Variants in CDKN2B-AS1 observed in about 807,000 individuals in gnomAD.
CDKN2B-AS1 encodes the protein CDKN2B antisense RNA 1 (non-protein coding).
intron 4 of CDKN2B-AS1, among the ~76,000 whole-genome samples, chr9:22,062,553 C>T (rs1823865386): frequency 6.6e-6 from 1 of 152,142 alleles, no homozygotes; most frequent in Middle Eastern, 3.2e-3. Context: ...AATGGGGCTA[C>T]ATGAGGAAGA....
intron 4 of CDKN2B-AS1, among the ~76,000 whole-genome samples, chr9:22,063,008 G>T (rs191148638): frequency 0.12 from 13,576 of 110,674 alleles, 720 homozygotes; most frequent in East Asian, 0.28. Context: ...TAGAGAGAGA[G>T]AGAGAGAGAG....
rs3217985 is a variant in CDKN2B-AS1 at position 22,005,454 on chromosome 9, A to G, written n.29+10293A>G. ...TAAAGCGCCGCCGGGGACTTACTGA[A>G]GCCCACCTCGGCCCTCCTCCACTTT... On this transcript the variant is annotated intron_variant and non_coding_transcript_variant, in intron 1 of 4. Coordinates refer to ENST00000650946, the Ensembl canonical transcript of CDKN2B-AS1. This position sits in a 1 kb window ranked among gnomAD's most constrained non-coding sequence, Gnocchi z 4.9. 3 of 250,612 alleles carry G rather than the reference A, an allele frequency of 1.2e-5. No homozygotes were observed. Among genetic ancestry groups the G allele is most frequent in the Non-Finnish European group, 1.6e-5 (2 of 128,516 alleles). The allele number at this position is 250,612 out of a possible 1,614,324, so 15.5% of individuals were successfully genotyped here.
intron 4 of CDKN2B-AS1, among the ~76,000 whole-genome samples, chr9:22,088,262 G>A (rs1003279497): frequency 6.6e-6 from 1 of 152,136 alleles, no homozygotes; most frequent in Non-Finnish European, 1.5e-5. Flanking sequence ...CGTAAGAAGC[G>A]AATGTTGCAA....
At position 22,006,322 on chromosome 9, in the gene CDKN2B-AS1, G is replaced by T; in HGVS notation, n.29+11161G>T. On this transcript the variant is annotated intron_variant and non_coding_transcript_variant, in intron 1 of 4. Coordinates refer to ENST00000650946, the Ensembl canonical transcript of CDKN2B-AS1. The surrounding 1 kb of genome is among the most constrained non-coding windows in gnomAD (Gnocchi z 6.4). ...AGATGCCGGCCGGGGCAAGGCAGGTGGAGCCATTTAAAGAAACACCTAATT... is the reference window on the plus strand; with the variant it reads ...AGATGCCGGCCGGGGCAAGGCAGGTTGAGCCATTTAAAGAAACACCTAATT... 3 of 1,584,760 alleles carry T rather than the reference G, an allele frequency of 1.9e-6. No individual in the cohort carries two copies. Among genetic ancestry groups the T allele is most frequent in the Non-Finnish European group, 2.6e-6 (3 of 1,171,386 alleles).
chr9:22,093,854 G>A (rs555223178), intron 4 of CDKN2B-AS1, among the ~76,000 whole-genome samples: 3 of 144,430 alleles, frequency 2.1e-5, no homozygotes, highest in African/African-American at 8.7e-5. Context: ...ATTTGATCCT[G>A]TCATTATGAT....
At chr9:22,009,467 C>T in intron 1 of CDKN2B-AS1, 1 of 265,886 alleles carries the variant, frequency 3.8e-6, no homozygotes, top group Non-Finnish European at 7.3e-6. Flanking sequence ...TGCTAGGACG[C>T]ATGCGCCAGA....
intron 1 of CDKN2B-AS1, among the ~76,000 whole-genome samples, chr9:22,015,099 A>G (rs558353157): frequency 7.2e-5 from 11 of 152,054 alleles, no homozygotes; most frequent in African/African-American, 2.7e-4. Context: ...TAGCAGCATG[A>G]TTTATAATCC....
intron 4 of CDKN2B-AS1, among the ~76,000 whole-genome samples, chr9:22,069,161 G>A (rs749954342): frequency 3.3e-5 from 5 of 152,076 alleles, no homozygotes; most frequent in African/African-American, 9.7e-5. Flanking sequence ...CATACAGAGC[G>A]ATAATTTCAT....
chr9:22,065,844 C>T (rs1824013973), intron 4 of CDKN2B-AS1: 1 of 152,188 alleles, frequency 6.6e-6, no homozygotes, highest in African/African-American at 2.4e-5. Context: ...GTTCTTTTTA[C>T]TCACTTGATT....
intron 2 of CDKN2B-AS1, among the ~76,000 whole-genome samples, chr9:22,048,833 G>A (rs75946528): frequency 6.6e-6 from 1 of 152,114 alleles, no homozygotes; most frequent in Non-Finnish European, 1.5e-5. Flanking sequence ...TGGCTGTTTT[G>A]ACAATGAGAA....
chr9:22,069,406 C>T (rs1824196599), intron 4 of CDKN2B-AS1, among the ~76,000 whole-genome samples: 1 of 152,100 alleles, frequency 6.6e-6, no homozygotes, highest in Non-Finnish European at 1.5e-5. Context: ...GTGCACTCAA[C>T]CAACTCTATT....
intron 1 of CDKN2B-AS1, among the ~76,000 whole-genome samples, chr9:22,017,527 A>C (rs1227577669): frequency 6.6e-6 from 1 of 152,146 alleles, no homozygotes; most frequent in Non-Finnish European, 1.5e-5. Context: ...CATTTTATCA[A>C]GTTTTGTCCT....
intron 1 of CDKN2B-AS1, among the ~76,000 whole-genome samples, chr9:22,021,489 G>T (rs535225314): frequency 6.6e-6 from 1 of 152,138 alleles, no homozygotes; most frequent in Non-Finnish European, 1.5e-5. Context: ...CATAGGTATA[G>T]CACTGAATCT....
At chr9:22,086,089 C>A (rs1384426949) in intron 4 of CDKN2B-AS1, among the ~76,000 whole-genome samples, 1 of 152,060 alleles carries the variant, frequency 6.6e-6, no homozygotes, top group Non-Finnish European at 1.5e-5. Flanking sequence ...TATCAAATCA[C>A]TCTCCTACTC....
intron 4 of CDKN2B-AS1, among the ~76,000 whole-genome samples, chr9:22,078,916 G>A (rs1824592733): frequency 6.6e-6 from 1 of 152,148 alleles, no homozygotes; most frequent in African/African-American, 2.4e-5. Context: ...CTGGTAAAAT[G>A]AGGAGCATTA....
intron 4 of CDKN2B-AS1, chr9:22,077,638 A>C (rs530264960): frequency 6.6e-6 from 1 of 152,320 alleles, no homozygotes; most frequent in South Asian, 2.1e-4. Context: ...AAAAAAATCA[A>C]AATAATTTTT....
In CDKN2B-AS1 at chr9:22,005,834, G is replaced by T; in HGVS notation, n.29+10673G>T. 1.0e-6 allele frequency: 1 copy of T among 959,390 alleles called. No homozygotes were observed. Among genetic ancestry groups the T allele is most frequent in the Non-Finnish European group, 1.6e-6 (1 of 635,508 alleles). The allele number at this position is 959,390 out of a possible 1,614,324, so 59.4% of individuals were successfully genotyped here. A position where few individuals can be genotyped will look rare whatever the true frequency, so the allele number is the denominator to read the frequency against. ...AAAAAATGTATGGAAGGTTATTCCC[G>T]GTCGGCTCCTCCTTCCTGTGAGTCT... On this transcript the variant is annotated intron_variant and non_coding_transcript_variant, in intron 1 of 4. Transcript: ENST00000650946. The surrounding 1 kb of genome is among the most constrained non-coding windows in gnomAD (Gnocchi z 4.9).
In CDKN2B-AS1 at chr9:22,005,671, ATTTCATATGCAC is replaced by A. The variant is rs1176670137; in HGVS notation, n.29+10515_29+10526del. The A allele has an allele frequency of 1.0e-5, 5 of 497,746 alleles. No individual in the cohort carries two copies. The highest frequency in any genetic ancestry group is 9.9e-5 in the Admixed American group (3 of 30,372). 30.8% of individuals were successfully genotyped at this position (497,746 alleles called of 1,614,324 possible). The stretch of plus-strand genomic sequence containing the variant: ...TCGTAGCCACCAGGTCCAGTCAAGG[ATTTCATATGCAC>A]TTTCCCTCAGAAAACCCTGAAAAGC... On this transcript the variant is annotated intron_variant and non_coding_transcript_variant, in intron 1 of 4. Coordinates refer to ENST00000650946, the Ensembl canonical transcript of CDKN2B-AS1. The surrounding 1 kb of genome is among the most constrained non-coding windows in gnomAD (Gnocchi z 4.9).
At chr9:22,009,049 C>T in intron 1 of CDKN2B-AS1, 1 of 1,566,312 alleles carries the variant, frequency 6.4e-7, no homozygotes, top group South Asian at 1.1e-5. Context: ...CTCCGGCGCA[C>T]TCTCTCCTTC....
Sources: gnomAD v4.1 joint callset for allele counts (sites outside exome capture counted in the v4.1 genomes callset) on GRCh38, gnomAD v4.1.1 for gene constraint, Gnocchi (gnomAD v3.1) non-coding constraint, MANE v1.5 for transcripts, NCBI Gene and HGNC (gene_info 2026-07-23, HGNC 2026-07-21) for gene names.